The following RBFOX1 variants were observed in gnomAD, a reference collection of about 807,000 sequenced individuals.
The protein encoded by RBFOX1 is RNA binding protein fox-1 homolog 1.
Under a neutral mutation model 57.7 loss-of-function variants are expected in RBFOX1, and 8 were observed. The observed-to-expected ratio is 0.14, with a 90% confidence interval of 0.08 to 0.25. The LOEUF (loss-of-function observed/expected upper bound fraction) is 0.25. Ranked by LOEUF, RBFOX1 falls within the 10% of genes least tolerant of loss-of-function variation. The pLI, the probability that RBFOX1 is intolerant of heterozygous loss-of-function variation, is 1.00. For missense variants in RBFOX1, 611 were observed against 548.5 expected (o/e 1.11, Z -1.14); for synonymous variants, 326 against 222.4 (o/e 1.47, Z -4.15).
intron 3 of RBFOX1, among the ~76,000 whole-genome samples, chr16:7,028,832 G>C (rs1221592347): frequency 6.6e-6 from 1 of 150,982 alleles, no homozygotes; most frequent in Non-Finnish European, 1.5e-5. Context: ...TATGTGGACA[G>C]CTTATGAGAA....
chr16:5,679,453 T>C (rs1596718482), intron 3 of RBFOX1, among the ~76,000 whole-genome samples: 1 of 151,932 alleles, frequency 6.6e-6, no homozygotes, highest in Admixed American at 6.6e-5. Flanking sequence ...ATCATCTAGG[T>C]TTTAAGCCCT....
intron 5 of RBFOX1, among the ~76,000 whole-genome samples, chr16:7,528,431 C>A (rs1009178392): frequency 6.6e-6 from 1 of 152,132 alleles, no homozygotes; most frequent in Non-Finnish European, 1.5e-5. Flanking sequence ...GTTTGAAGGA[C>A]CTAATTCCCT....
chr16:7,017,848 C>G (rs1164824374), intron 3 of RBFOX1, among the ~76,000 whole-genome samples: 7 of 152,216 alleles, frequency 4.6e-5, no homozygotes, highest in African/African-American at 1.4e-4. Context: ...TTTGTGCATT[C>G]ATTCATTCAG....
intron 1 of RBFOX1, among the ~76,000 whole-genome samples, chr16:6,311,952 C>G (rs1567910246): frequency 1.3e-5 from 2 of 152,146 alleles, no homozygotes; most frequent in Admixed American, 6.5e-5. Flanking sequence ...AGGGTCCTTT[C>G]AAGGACAGTT....
intron 4 of RBFOX1, among the ~76,000 whole-genome samples, chr16:7,278,076 C>T (rs529864856): frequency 1.6e-4 from 24 of 152,196 alleles, no homozygotes; most frequent in African/African-American, 2.2e-4. Flanking sequence ...ATTCCGTAGG[C>T]GGCTAAATTG....
At chr16:6,151,743 G>A (rs889246623) in intron 1 of RBFOX1, among the ~76,000 whole-genome samples, 1 of 152,218 alleles carries the variant, frequency 6.6e-6, no homozygotes, top group Non-Finnish European at 1.5e-5. Flanking sequence ...ACTACACAGT[G>A]TGGGTATGAG....
At chr16:7,700,661 A>C (rs2080378503) in intron 14 of RBFOX1, among the ~76,000 whole-genome samples, 1 of 152,252 alleles carries the variant, frequency 6.6e-6, no homozygotes, top group Non-Finnish European at 1.5e-5. Context: ...TGAGCTCTGC[A>C]TTAAAGAGAA....
chr16:6,950,188 C>A (rs1437762594), intron 3 of RBFOX1, among the ~76,000 whole-genome samples: 1 of 149,812 alleles, frequency 6.7e-6, no homozygotes, highest in East Asian at 2.0e-4. Context: ...AAACTCCTGA[C>A]CTCAAGTGAT....
chr16:7,705,153 G>A (rs936337759), intron 14 of RBFOX1, among the ~76,000 whole-genome samples: 2 of 152,150 alleles, frequency 1.3e-5, no homozygotes, highest in Non-Finnish European at 2.9e-5. Context: ...TCAGGTGGAG[G>A]GTGAGCAAGT....
chr16:5,915,719 C>T (rs1203354223), intron 4 of RBFOX1, among the ~76,000 whole-genome samples: 1 of 152,092 alleles, frequency 6.6e-6, no homozygotes, highest in African/African-American at 2.4e-5. Flanking sequence ...GTAATCTCAG[C>T]TACTCCGGAG....
intron 3 of RBFOX1, among the ~76,000 whole-genome samples, chr16:6,900,087 C>T (rs957042858): frequency 6.6e-6 from 1 of 152,118 alleles, no homozygotes; most frequent in African/African-American, 2.4e-5. Flanking sequence ...ATGCTTAGAA[C>T]AGTTCCTGGC....
intron 3 of RBFOX1, among the ~76,000 whole-genome samples, chr16:6,746,693 G>T (rs74431121): frequency 6.6e-6 from 1 of 151,728 alleles, no homozygotes; most frequent in Non-Finnish European, 1.5e-5. Context: ...AAAAAAAAAA[G>T]TGTTGTCTTA....
chr16:5,689,291 G>A (rs1314371646), intron 3 of RBFOX1, among the ~76,000 whole-genome samples: 1 of 152,208 alleles, frequency 6.6e-6, no homozygotes, highest in African/African-American at 2.4e-5. Flanking sequence ...CTGGTAATGT[G>A]GGTATCATAA....
At chr16:5,826,782 A>G (rs1320337664) in intron 3 of RBFOX1, among the ~76,000 whole-genome samples, 1 of 152,242 alleles carries the variant, frequency 6.6e-6, no homozygotes, top group East Asian at 1.9e-4. Flanking sequence ...AGTTCCTTTT[A>G]TAATTCCAAA....
rs182587336 is a variant in RBFOX1 at position 5,347,833 on chromosome 16, C to A, written c.219+107728C>A. On this transcript the variant is annotated intron_variant, in intron 1 of 2. Transcript: ENST00000585867. Reference sequence around the variant, plus strand: ...AATCATGCACTCACCCACCCTTCCACCCACCTGTCAGCCCATCCACCCACT... The same window carrying A: ...AATCATGCACTCACCCACCCTTCCAACCACCTGTCAGCCCATCCACCCACT... Among the ~76,000 whole-genome samples, 7 of 149,498 alleles carry A rather than the reference C, an allele frequency of 4.7e-5. No individual in the cohort carries two copies. In the East Asian group the frequency reaches 1.4e-3, roughly 30 times the overall value.
intron 3 of RBFOX1, among the ~76,000 whole-genome samples, chr16:6,932,049 T>A (rs1383389314): frequency 2.0e-5 from 3 of 152,164 alleles, no homozygotes; most frequent in Non-Finnish European, 4.4e-5. Flanking sequence ...AATCCATTCT[T>A]GAGGGCAGAG....
chr16:5,454,836 CTTTCCTTT>C, intron 1 of RBFOX1, among the ~76,000 whole-genome samples: 1 of 121,208 alleles, frequency 8.3e-6, no homozygotes, highest in African/African-American at 3.3e-5. Context: ...TCCTTGCTTT[CTTTCCTTT>C]CTTTCTTTCT....
At chr16:5,715,192 C>G (rs1478564740) in intron 3 of RBFOX1, among the ~76,000 whole-genome samples, 2 of 152,062 alleles carry the variant, frequency 1.3e-5, no homozygotes, top group African/African-American at 2.4e-5. Flanking sequence ...GATAATATAC[C>G]CTGTTGTGTG....
chr16:5,516,337 C>G (rs1282912095), intron 2 of RBFOX1, among the ~76,000 whole-genome samples: 2 of 152,120 alleles, frequency 1.3e-5, no homozygotes, highest in Non-Finnish European at 2.9e-5. Flanking sequence ...TCCCTCACTT[C>G]CTGTCTCCCA....
Sources: allele counts gnomAD v4.1 joint callset (sites outside exome capture counted in the v4.1 genomes callset), GRCh38; gene constraint gnomAD v4.1.1; transcripts MANE v1.5; gene names NCBI Gene and HGNC (gene_info 2026-07-23, HGNC 2026-07-21).